STK32A: variants seen among roughly 807,000 people sequenced by gnomAD.
The protein encoded by STK32A is serine/threonine kinase 32A.
Under a neutral mutation model 53.2 loss-of-function variants are expected in STK32A, and 41 were observed. The ratio of observed to expected loss-of-function variants is 0.77; its 90% CI spans 0.60 to 1.00. The LOEUF is 1.00. STK32A is among the 50% of genes least tolerant of loss of function. The pLI is 0.00. For missense variants in STK32A, 458 were observed against 485.8 expected, an observed-to-expected ratio of 0.94 and a Z score of 0.54; for synonymous variants, 166 against 162.8, an observed-to-expected ratio of 1.02 and a Z score of -0.15.
intron 8 of STK32A, 120 bp downstream of exon 8, chr5:147,361,734 T>C: frequency 2.6e-6 from 2 of 758,308 alleles, no homozygotes; most frequent in East Asian, 2.7e-5. Context: ...AGCTATGCCA[T>C]GTGATGTTGA....
At chr5:147,334,256 C>T (rs900410017) in intron 5 of STK32A, among the ~76,000 whole-genome samples, 1 of 152,194 alleles carries the variant, frequency 6.6e-6, no homozygotes, top group Non-Finnish European at 1.5e-5. Context: ...CATTTTCAGA[C>T]ATGCATAACC....
At chr5:147,352,471 C>T (rs1482988291) in intron 7 of STK32A, among the ~76,000 whole-genome samples, 1 of 152,100 alleles carries the variant, frequency 6.6e-6, no homozygotes, top group Non-Finnish European at 1.5e-5. Context: ...TATATAGACA[C>T]CAGAACTAGT....
intron 2 of STK32A, among the ~76,000 whole-genome samples, chr5:147,267,897 T>C (rs1399529111): frequency 1.3e-5 from 2 of 152,178 alleles, no homozygotes; most frequent in African/African-American, 4.8e-5. Flanking sequence ...CCTGAAGCTT[T>C]CTTATTTTCT....
At chr5:147,394,367 GATA>G in the STK32A span, among the ~76,000 whole-genome samples, 1 of 152,284 alleles carries the variant, frequency 6.6e-6, no homozygotes, top group African/African-American at 2.4e-5. Context: ...CCCAGAGCAT[GATA>G]ATAATACTGG....
At chr5:147,281,461 C>T (rs1311874651) in intron 4 of STK32A, among the ~76,000 whole-genome samples, 1 of 152,050 alleles carries the variant, frequency 6.6e-6, no homozygotes, top group Non-Finnish European at 1.5e-5. Flanking sequence ...TTGCAAAATG[C>T]TCTAGAAAGT....
intron 5 of STK32A, among the ~76,000 whole-genome samples, chr5:147,326,509 A>C (rs557865352): frequency 6.6e-6 from 1 of 152,256 alleles, no homozygotes; most frequent in East Asian, 1.9e-4. Flanking sequence ...ACCTCTCCTG[A>C]GGAGTTGTGA....
At chr5:147,261,417 G>C (rs537181321) in intron 2 of STK32A, among the ~76,000 whole-genome samples, 1 of 152,182 alleles carries the variant, frequency 6.6e-6, no homozygotes, top group East Asian at 1.9e-4. Flanking sequence ...GGGTTAGACC[G>C]CACAAACTAA....
chr5:147,280,877 G>A (rs971468496), intron 4 of STK32A, among the ~76,000 whole-genome samples: 1 of 152,290 alleles, frequency 6.6e-6, no homozygotes, highest in African/African-American at 2.4e-5. Context: ...CCCTTACAGA[G>A]TCCATTGTAC....
intron 7 of STK32A, among the ~76,000 whole-genome samples, chr5:147,360,095 T>C (rs2052157112): frequency 1.3e-5 from 2 of 152,268 alleles, no homozygotes; most frequent in Non-Finnish European, 1.5e-5. Context: ...ACTTTATAAG[T>C]GCTAGGCACC....
intron 5 of STK32A, among the ~76,000 whole-genome samples, chr5:147,328,787 G>A (rs931692687): frequency 3.9e-5 from 6 of 152,090 alleles, no homozygotes; most frequent in African/African-American, 1.4e-4. Context: ...TGAACAATCT[G>A]GTGGAAAGTA....
intron 5 of STK32A, among the ~76,000 whole-genome samples, chr5:147,341,399 C>T (rs1755400447): frequency 1.3e-5 from 2 of 152,148 alleles, no homozygotes; most frequent in African/African-American, 4.8e-5. Flanking sequence ...ATTTACTGAC[C>T]ATGAGGCACT....
chr5:147,240,824 G>A (rs984301286), intron 2 of STK32A, among the ~76,000 whole-genome samples: 12 of 152,292 alleles, frequency 7.9e-5, no homozygotes, highest in Admixed American at 4.6e-4. Flanking sequence ...GGACTCTGAC[G>A]CCAACTACTT....
intron 5 of STK32A, among the ~76,000 whole-genome samples, chr5:147,336,407 G>A (rs562438543): frequency 4.6e-5 from 7 of 152,054 alleles, no homozygotes; most frequent in Non-Finnish European, 7.4e-5. Context: ...GTCCTTCAGG[G>A]CACTGCTCCT....
chr5:147,375,510 G>C, intron 11 of STK32A: 1 of 272,542 alleles, frequency 3.7e-6, no homozygotes, highest in Admixed American at 5.3e-5. Context: ...GAGAGGAACT[G>C]TCATTGGCCA....
intron 5 of STK32A, among the ~76,000 whole-genome samples, chr5:147,333,131 T>C (rs943408487): frequency 6.6e-6 from 1 of 152,170 alleles, no homozygotes; most frequent in African/African-American, 2.4e-5. Flanking sequence ...ACACATAATA[T>C]TGATCAATTA....
chr5:147,392,860 C>T, the STK32A span: 1 of 152,370 alleles, frequency 6.6e-6, no homozygotes, highest in Non-Finnish European at 1.5e-5. Flanking sequence ...GCTCCCTCTG[C>T]TCAAGACTGA....
intron 2 of STK32A, among the ~76,000 whole-genome samples, chr5:147,240,892 C>T (rs1218025749): frequency 6.6e-6 from 1 of 152,150 alleles, no homozygotes; most frequent in Non-Finnish European, 1.5e-5. Context: ...CTAACCAACA[C>T]AACAAATTCC....
chr5:147,386,043 AG>A lies in STK32A; in HGVS notation c.*2061del, dbSNP rs1172853701. 1 of 152,174 alleles carries A rather than the reference AG, an allele frequency of 6.6e-6. No homozygotes were observed. The highest frequency in any genetic ancestry group is 1.5e-5 in the Non-Finnish European group (1 of 68,032). 9.4% of individuals were successfully genotyped at this position (152,174 alleles called of 1,614,324 possible). On this transcript the variant is annotated 3_prime_UTR_variant, in exon 13 of 13. Coordinates refer to ENST00000397936, the MANE Select transcript of STK32A (RefSeq NM_001112724.2). ...GGCATTCACAGTTTTCTCTTCACTG[AG>A]CTAATAGGCCCAGAGTTTCGGGCAG...
chr5:147,304,668 C>T (rs1223321696), intron 4 of STK32A, among the ~76,000 whole-genome samples: 5 of 152,132 alleles, frequency 3.3e-5, no homozygotes, highest in Admixed American at 2.6e-4. Context: ...GACAGAAAGA[C>T]AACAGTCATG....
Sources: allele counts gnomAD v4.1 joint callset (sites outside exome capture counted in the v4.1 genomes callset), GRCh38; gene constraint gnomAD v4.1.1; transcripts MANE v1.5; gene names NCBI Gene and HGNC (gene_info 2026-07-23, HGNC 2026-07-21).